Variants in TRDMT1 observed in about 807,000 individuals in gnomAD.
TRDMT1 encodes tRNA aspartic acid methyltransferase 1.
In TRDMT1, 49 loss-of-function variants were observed where a neutral mutation model predicts 51.2. That is an observed-to-expected ratio of 0.96 (90% CI 0.76 to 1.21). TRDMT1 has a LOEUF of 1.21. TRDMT1 is among the 50% of genes most tolerant of loss of function. The pLI is 0.00. For missense variants in TRDMT1, 534 were observed against 462.3 expected (o/e 1.16, Z -1.42); for synonymous variants, 187 against 164.6 (o/e 1.14, Z -1.04).
intron 8 of TRDMT1, among the ~76,000 whole-genome samples, chr10:17,156,245 T>C (rs1459418427): frequency 6.6e-6 from 1 of 151,932 alleles, no homozygotes; most frequent in Non-Finnish European, 1.5e-5. Context: ...TTTTCTTTTT[T>C]TTTTTTTGAG....
chr10:17,174,907 T>C (rs999488339), intron 1 of TRDMT1, among the ~76,000 whole-genome samples: 35 of 152,218 alleles, frequency 2.3e-4, no homozygotes, highest in African/African-American at 7.0e-4. Context: ...TTTTAGTGCT[T>C]ACCTCTTATA....
At chr10:17,185,821 C>T (rs1331642513) in intron 1 of TRDMT1, among the ~76,000 whole-genome samples, 1 of 152,062 alleles carries the variant, frequency 6.6e-6, no homozygotes, top group Non-Finnish European at 1.5e-5. Context: ...AAACCAAACA[C>T]CACACATTCT....
intron 1 of TRDMT1, among the ~76,000 whole-genome samples, chr10:17,180,516 G>A (rs1296063313): frequency 1.4e-5 from 2 of 141,826 alleles, no homozygotes; most frequent in African/African-American, 2.7e-5. Context: ...CTCCAGCCTG[G>A]GCAAAAGAGC....
chr10:17,152,497 A>G (rs1838880418), intron 10 of TRDMT1, among the ~76,000 whole-genome samples: 1 of 152,232 alleles, frequency 6.6e-6, no homozygotes, highest in Admixed American at 6.5e-5. Context: ...CCATATTAAT[A>G]TTACAAAAGT....
At chr10:17,165,919 G>A (rs1003080170) in intron 3 of TRDMT1, among the ~76,000 whole-genome samples, 1 of 152,102 alleles carries the variant, frequency 6.6e-6, no homozygotes, top group African/African-American at 2.4e-5. Flanking sequence ...TTACACTGTT[G>A]GTGGGACTGT....
intron 1 of TRDMT1, among the ~76,000 whole-genome samples, chr10:17,187,575 CA>C (rs939545866): frequency 1.3e-5 from 2 of 152,008 alleles, no homozygotes; most frequent in African/African-American, 2.4e-5. Flanking sequence ...CAAAATGCAA[CA>C]AAAAAATCCC....
chr10:17,160,456 T>C (rs1449187364), intron 5 of TRDMT1, 82 bp from the exon 6 acceptor site: 3 of 968,658 alleles, frequency 3.1e-6, no homozygotes, highest in Non-Finnish European at 4.4e-6. Flanking sequence ...GCTGGGTTTC[T>C]TTTGTTTGTT....
At chr10:17,193,077 A>C (rs1285093445) in intron 1 of TRDMT1, among the ~76,000 whole-genome samples, 1 of 152,136 alleles carries the variant, frequency 6.6e-6, no homozygotes, top group Non-Finnish European at 1.5e-5. Context: ...AGAAAGAAAT[A>C]AAGGAGCCAG....
In TRDMT1 at chr10:17,147,328, C is replaced by G; in HGVS notation, c.*1712G>C. Reference sequence around the variant, plus strand: ...GTATATGGGCTGGCTTACAGCTTCCCTACATTCATATTTATCTATGAGTTC... The same window carrying G: ...GTATATGGGCTGGCTTACAGCTTCCGTACATTCATATTTATCTATGAGTTC... On this transcript the variant is annotated 3_prime_UTR_variant, in exon 11 of 11. Coordinates refer to ENST00000377799, the MANE Select transcript of TRDMT1 (RefSeq NM_004412.7). 1 of 985,362 alleles carries G rather than the reference C, an allele frequency of 1.0e-6. No homozygotes were observed. Among genetic ancestry groups the G allele is most frequent in the South Asian group, 4.7e-5 (1 of 21,278 alleles). The allele number at this position is 985,362 out of a possible 1,614,324, so 61.0% of individuals were successfully genotyped here.
Position 17,142,514 on chromosome 10 carries a change from TAAA to T in TRDMT1, c.*6523_*6525del, listed in dbSNP as rs759160091. 4 of 152,172 alleles carry T rather than the reference TAAA, an allele frequency of 2.6e-5. No homozygotes were observed. Among genetic ancestry groups the T allele is most frequent in the African/African-American group, 9.7e-5 (4 of 41,436 alleles). 9.4% of individuals were successfully genotyped at this position (152,172 alleles called of 1,614,324 possible). A position where few individuals can be genotyped will look rare whatever the true frequency, so the allele number is the denominator to read the frequency against. On this transcript the variant is annotated 3_prime_UTR_variant, in exon 11 of 11. Transcript: ENST00000377799. ...GAAGGGAGTCTCAGGCTCAGGGTAA[TAAA>T]AAATCTTCCTGGGTTAGATGCTTTT... is the stretch of plus-strand genomic sequence containing the variant.
intron 10 of TRDMT1, chr10:17,151,343 C>G: frequency 1.0e-6 from 1 of 985,260 alleles, no homozygotes; most frequent in Non-Finnish European, 1.2e-6. Flanking sequence ...CAGCTTTCAC[C>G]CGTAAGGACA....
At position 17,144,909 on chromosome 10, in the gene TRDMT1, G is replaced by C; in HGVS notation, c.*4131C>G. On this transcript the variant is annotated 3_prime_UTR_variant, in exon 11 of 11. Coordinates refer to ENST00000377799, the MANE Select transcript of TRDMT1 (RefSeq NM_004412.7). ...GCACACAGGTTGACTCATGCAAACT[G>C]AAACTAAAGAACATGTGCAAGATGC... is the stretch of plus-strand genomic sequence containing the variant. 2 of 985,268 alleles carry C rather than the reference G, an allele frequency of 2.0e-6. No homozygotes were observed. Among genetic ancestry groups the C allele is most frequent in the Non-Finnish European group, 2.4e-6 (2 of 829,916 alleles). The allele number at this position is 985,268 out of a possible 1,614,324, so 61.0% of individuals were successfully genotyped here.
chr10:17,138,796 A>C lies in TRDMT1; in HGVS notation c.*10244T>G, dbSNP rs147298384. Reference sequence around the variant, plus strand: ...TAAGTAATATAATCCCTTCATAAACAATGAGAAAAAAATAACGAAATTCAA... The same window carrying C: ...TAAGTAATATAATCCCTTCATAAACCATGAGAAAAAAATAACGAAATTCAA... On this transcript the variant is annotated 3_prime_UTR_variant, in exon 11 of 11. Transcript: ENST00000377799. 5.3e-5 allele frequency among the ~76,000 whole-genome samples: 8 copies of C among 152,172 alleles called. No homozygotes were observed. The highest frequency in any genetic ancestry group is 1.9e-4 in the African/African-American group (8 of 41,510).
chr10:17,157,687 A>G lies in TRDMT1; in HGVS notation c.641T>C (p.Ile214Thr), dbSNP rs770898268. 8 of 1,613,004 alleles carry G rather than the reference A, an allele frequency of 5.0e-6. No individual in the cohort carries two copies. The Admixed American group carries it at 6.7e-5, about 13-fold the overall frequency. ...KIQEKNVEPNISFDGSIQCSG... is the reference protein window; with the variant it reads ...KIQEKNVEPNTSFDGSIQCSG... The stretch of plus-strand genomic sequence containing the variant: ...ACACTGTATGCTGCCATCAAAGCTA[A>G]TATTTGGTTCAACGTTCTTTTCTTG... The change falls in exon 8 of 11, where the codon ATT (isoleucine) becomes ACT (threonine). Residue 214 changes from isoleucine (I) to threonine (T), a missense_variant. Coordinates refer to ENST00000377799, the MANE Select transcript of TRDMT1 (RefSeq NM_004412.7).
Position 17,149,804 on chromosome 10 carries a change from A to G in TRDMT1, c.1076-664T>C, listed in dbSNP as rs1021454761. Among the ~76,000 whole-genome samples the G allele has an allele frequency of 3.1e-4, 47 of 152,174 alleles. 1 individual carries two copies. On this transcript the variant is annotated intron_variant, in intron 10 of 10. Coordinates refer to ENST00000377799, the MANE Select transcript of TRDMT1 (RefSeq NM_004412.7). ...AACATTCATTCATGTCATAGCATGT[A>G]TTAATACTTCATTCCTTGTTGGTGG...
At chr10:17,198,004 A>T (rs955849700) in intron 1 of TRDMT1, among the ~76,000 whole-genome samples, 7 of 151,810 alleles carry the variant, frequency 4.6e-5, no homozygotes, top group African/African-American at 1.7e-4. Flanking sequence ...ACTGCACTCC[A>T]GCCTGGGCAA....
At chr10:17,174,877 C>T (rs1210960940) in intron 1 of TRDMT1, among the ~76,000 whole-genome samples, 4 of 152,156 alleles carry the variant, frequency 2.6e-5, no homozygotes, top group African/African-American at 4.8e-5. Flanking sequence ...CATTCCAATA[C>T]TAAAGAGAAG....
chr10:17,169,453 A>G (rs1382137984), intron 2 of TRDMT1: 12 of 1,289,698 alleles, frequency 9.3e-6, no homozygotes, highest in Non-Finnish European at 1.0e-5. Flanking sequence ...GTTGTGTGCA[A>G]TGAACTTCAA....
At chr10:17,161,420 A>C (rs1840340118) in intron 5 of TRDMT1, 63 bp downstream of exon 5, 3 of 1,198,416 alleles carry the variant, frequency 2.5e-6, no homozygotes, top group East Asian at 3.1e-5. Flanking sequence ...TTTATTTCAC[A>C]ACAGTTCCTA....
Sources: allele counts gnomAD v4.1 joint callset (sites outside exome capture counted in the v4.1 genomes callset), GRCh38; gene constraint gnomAD v4.1.1; transcripts MANE v1.5; gene names NCBI Gene and HGNC (gene_info 2026-07-23, HGNC 2026-07-21).